The following TRPA1 variants were observed in gnomAD, a reference collection of about 807,000 sequenced individuals.
TRPA1 encodes the protein ankyrin-like with transmembrane domains 1.
TRPA1 carries 129 observed loss-of-function variants against 131.3 expected under a neutral mutation model. The observed-to-expected ratio is 0.98, with a 90% CI of 0.85 to 1.14. TRPA1 has a LOEUF of 1.14. Among genes scored for constraint, TRPA1 ranks in the 50% most tolerant of loss-of-function variants. The probability of loss-of-function intolerance (pLI) is 0.00; values close to 1 mark genes in which losing one functional copy is unlikely to be tolerated. For missense variants in TRPA1, 1,304 were observed against 1,354.2 expected (o/e 0.96, Z 0.58); for synonymous variants, 441 against 451.7 (o/e 0.98, Z 0.30).
Position 72,062,792 on chromosome 8 carries a change from G to C in TRPA1, c.807+7C>G. On this transcript the variant is annotated splice_region_variant and intron_variant, in intron 6 of 26. Coordinates refer to ENST00000262209, the MANE Select transcript of TRPA1 (RefSeq NM_007332.3). The stretch of plus-strand genomic sequence containing the variant: ...ATAAAAGTGTTATATAGAATATGAA[G>C]AGTTACCTCCACTGGGTCTATTTGT... 1 of 1,613,686 alleles carries C rather than the reference G, an allele frequency of 6.2e-7. No individual in the cohort carries two copies. Among genetic ancestry groups the C allele is most frequent in the Non-Finnish European group, 8.5e-7 (1 of 1,179,762 alleles).
At chr8:72,053,296 GCAA>G (rs1805574580) in intron 13 of TRPA1, 1 of 199,174 alleles carries the variant, frequency 5.0e-6, no homozygotes, top group Non-Finnish European at 1.0e-5. Context: ...TTTGAAAAAG[GCAA>G]CAACAGTCTT....
At chr8:72,036,829 C>T (rs534161691) in intron 20 of TRPA1, among the ~76,000 whole-genome samples, 1 of 152,286 alleles carries the variant, frequency 6.6e-6, no homozygotes, top group South Asian at 2.1e-4. Context: ...GTGGAGCTCT[C>T]TTTATGAACT....
intron 15 of TRPA1, among the ~76,000 whole-genome samples, chr8:72,049,054 A>G (rs1289789664): frequency 3.3e-5 from 5 of 152,164 alleles, no homozygotes; most frequent in Non-Finnish European, 7.4e-5. Context: ...TAGGCACCTA[A>G]AAAGTTAATC....
chr8:72,024,825 T>C (rs76979947), intron 25 of TRPA1, among the ~76,000 whole-genome samples: 2,235 of 152,148 alleles, frequency 0.015, 75 homozygotes, highest in African/African-American at 0.05. Flanking sequence ...ACCATGGACA[T>C]GTGTGAAATC....
chr8:72,039,080 C>T (rs577547269), intron 18 of TRPA1, 53 bp from the exon 19 acceptor site: 2 of 1,578,018 alleles, frequency 1.3e-6, no homozygotes, highest in South Asian at 2.2e-5. Context: ...AAAATATTTA[C>T]TTAAGATACC....
rs534959980 is a variant in TRPA1, at chr8:72,072,626, C to T, written c.112-759G>A. ...TATTCAGTAATAAATTTAAAATGGG[C>T]TTCTTGCAGAAATAGGATCTTTTTC... On this transcript the variant is annotated intron_variant, in intron 1 of 26. Transcript: ENST00000262209. 2.1e-4 allele frequency among the ~76,000 whole-genome samples: 32 copies of T among 152,298 alleles called. 1 individual carries two copies. Among genetic ancestry groups the T allele is most frequent in the African/African-American group, 7.2e-4 (30 of 41,568 alleles).
Position 72,029,676 on chromosome 8 carries a change from A to C in TRPA1, c.2937+225T>G, listed in dbSNP as rs1454091577. 36 of 635,370 alleles carry C rather than the reference A, an allele frequency of 5.7e-5. No homozygotes were observed. The Admixed American group carries it at 8.7e-4, about 15-fold the overall frequency. 39.4% of individuals were successfully genotyped at this position (635,370 alleles called of 1,614,324 possible). A position where few individuals can be genotyped will look rare whatever the true frequency, so the allele number is the denominator to read the frequency against. On this transcript the variant is annotated intron_variant, in intron 24 of 26. Transcript: ENST00000262209. ...AAACTTTGATCTGTTCTGGGCTAGC[A>C]GTATGTGGTATTCTCCTGGGATGCC...
At chr8:72,061,279 G>C (rs1805802064) in intron 7 of TRPA1, among the ~76,000 whole-genome samples, 1 of 152,044 alleles carries the variant, frequency 6.6e-6, no homozygotes, top group Admixed American at 6.6e-5. Context: ...ACTAAAAATG[G>C]GGATAAAATA....
At chr8:72,029,611 A>G (rs918152930) in intron 24 of TRPA1, 7 of 510,364 alleles carry the variant, frequency 1.4e-5, no homozygotes, top group African/African-American at 1.3e-4. Flanking sequence ...ATGATGTGTG[A>G]AAGTGATGCA....
At chr8:72,067,098 C>T (rs74636789) in intron 3 of TRPA1, among the ~76,000 whole-genome samples, 2,301 of 152,220 alleles carry the variant, frequency 0.015, 54 homozygotes, top group African/African-American at 0.053. Flanking sequence ...TGAAGTGATG[C>T]GTGGATGACA....
intron 4 of TRPA1, among the ~76,000 whole-genome samples, chr8:72,064,460 C>T (rs904399855): frequency 6.6e-5 from 10 of 151,540 alleles, no homozygotes; most frequent in Non-Finnish European, 1.5e-4. Context: ...TTCTTTATTC[C>T]AATTTTCTTG....
At chr8:72,026,106 A>G (rs1361007536) in intron 24 of TRPA1, 33 bp from the exon 25 acceptor site, 2 of 1,531,516 alleles carry the variant, frequency 1.3e-6, no homozygotes, top group South Asian at 2.2e-5. Flanking sequence ...TGATAGAATC[A>G]TTAGTTAGTA....
chr8:72,022,484 C>A lies in TRPA1; in HGVS notation c.*422G>T. ...ACCTCAACCTAATATTTAAGACTAT[C>A]ATCTAAGGCATTATTAATACTTGTG... On this transcript the variant is annotated 3_prime_UTR_variant, in exon 27 of 27. Transcript: ENST00000262209. 3.2e-6 allele frequency: 1 copy of A among 316,678 alleles called. No individual in the cohort carries two copies. The highest frequency in any genetic ancestry group is 6.1e-6 in the Non-Finnish European group (1 of 164,288). 19.6% of individuals were successfully genotyped at this position (316,678 alleles called of 1,614,324 possible).
At chr8:72,071,939 T>C in intron 1 of TRPA1, 72 bp from the exon 2 acceptor site, 2 of 1,365,530 alleles carry the variant, frequency 1.5e-6, no homozygotes, top group Non-Finnish European at 1.0e-6. Flanking sequence ...TTTTATAGCC[T>C]GAAAGAACTT....
chr8:72,031,129 A>C (rs556491542), intron 23 of TRPA1, among the ~76,000 whole-genome samples: 41 of 152,340 alleles, frequency 2.7e-4, no homozygotes, highest in African/African-American at 9.9e-4. Context: ...GAATGAATGA[A>C]GACAGGGAGA....
chr8:72,064,451 T>C (rs1805882451), intron 4 of TRPA1, among the ~76,000 whole-genome samples: 1 of 152,062 alleles, frequency 6.6e-6, no homozygotes, highest in African/African-American at 2.4e-5. Context: ...ACAATACTTT[T>C]CTTTATTCCA....
Position 72,059,449 on chromosome 8 carries a change from A to G in TRPA1, c.945-11T>C. ...TCAAACAATGAAGCTCTGAAAAAAC[A>G]GAATTATAAACATTATAATTAAAGT... On this transcript the variant is annotated splice_polypyrimidine_tract_variant and intron_variant, in intron 7 of 26. Coordinates refer to ENST00000262209, the MANE Select transcript of TRPA1 (RefSeq NM_007332.3). 6.5e-7 allele frequency: 1 copy of G among 1,542,552 alleles called. No homozygotes were observed. The highest frequency in any genetic ancestry group is 8.9e-7 in the Non-Finnish European group (1 of 1,122,946).
chr8:72,038,460 A>G (rs747841365), intron 19 of TRPA1, among the ~76,000 whole-genome samples: 1 of 152,050 alleles, frequency 6.6e-6, no homozygotes, highest in African/African-American at 2.4e-5. Flanking sequence ...ACAGTGTTAT[A>G]CCACCATCAC....
intron 7 of TRPA1, among the ~76,000 whole-genome samples, chr8:72,059,854 G>T (rs975929981): frequency 6.6e-6 from 1 of 152,188 alleles, no homozygotes; most frequent in East Asian, 1.9e-4. Flanking sequence ...CTCTTTGGGG[G>T]GCTTCTCTTT....
Sources: gnomAD v4.1 joint callset for allele counts (sites outside exome capture counted in the v4.1 genomes callset) on GRCh38, gnomAD v4.1.1 for gene constraint, MANE v1.5 for transcripts, NCBI Gene and HGNC (gene_info 2026-07-23, HGNC 2026-07-21) for gene names.